Variants in SEMA3A observed in about 807,000 individuals in gnomAD.
The protein encoded by SEMA3A is semaphorin-3A.
Under a neutral mutation model 97.9 loss-of-function variants are expected in SEMA3A, and 29 were observed. The observed-to-expected ratio is 0.30, with a 90% confidence interval of 0.22 to 0.40. The LOEUF (loss-of-function observed/expected upper bound fraction) is 0.40. Among genes scored for constraint, SEMA3A ranks in the 10% least tolerant of loss-of-function variants. SEMA3A has a pLI of 1.00. For missense variants in SEMA3A, 763 were observed against 951.3 expected, an observed-to-expected ratio of 0.80 and a Z score of 2.60; for synonymous variants, 321 against 323.7, an observed-to-expected ratio of 0.99 and a Z score of 0.09.
chr7:84,426,305 T>C (rs1804828264), intron 1 of SEMA3A, among the ~76,000 whole-genome samples: 1 of 151,904 alleles, frequency 6.6e-6, no homozygotes, highest in South Asian at 2.1e-4. Context: ...GATAGATAGA[T>C]AGATAGATAG....
At chr7:84,381,358 A>T (rs1428874642) in intron 1 of SEMA3A, among the ~76,000 whole-genome samples, 1 of 152,140 alleles carries the variant, frequency 6.6e-6, no homozygotes, top group Non-Finnish European at 1.5e-5. Flanking sequence ...TTCCAACCTC[A>T]TCCATATAAT....
intron 3 of SEMA3A, among the ~76,000 whole-genome samples, chr7:84,290,092 G>A (rs1336960153): frequency 3.9e-5 from 6 of 152,146 alleles, no homozygotes; most frequent in Admixed American, 3.9e-4. Context: ...TGCTTAGGGT[G>A]AGAAGTGGGA....
chr7:84,319,176 A>G (rs954224390), intron 2 of SEMA3A, among the ~76,000 whole-genome samples: 1 of 152,164 alleles, frequency 6.6e-6, no homozygotes, highest in Non-Finnish European at 1.5e-5. Flanking sequence ...AACCAGTGAC[A>G]ATATTAGAAA....
chr7:84,046,258 G>C (rs1446210384), intron 6 of SEMA3A, 66 bp downstream of exon 6: 19 of 1,564,930 alleles, frequency 1.2e-5, no homozygotes, highest in Non-Finnish European at 1.7e-5. Flanking sequence ...TACTGTAAAA[G>C]AGTTCTCTAG....
intron 1 of SEMA3A, among the ~76,000 whole-genome samples, chr7:84,402,305 C>T (rs1486465853): frequency 2.0e-5 from 3 of 152,154 alleles, no homozygotes; most frequent in African/African-American, 2.4e-5. Flanking sequence ...ATCATCTCAT[C>T]CTAGTTAGAA....
At chr7:84,103,155 C>A (rs954927600) in intron 4 of SEMA3A, among the ~76,000 whole-genome samples, 3 of 152,066 alleles carry the variant, frequency 2.0e-5, no homozygotes, top group African/African-American at 7.2e-5. Flanking sequence ...TTGCGGTGGG[C>A]AAATACACTT....
Position 83,961,485 on chromosome 7 carries a change from C to T in SEMA3A, c.2202G>A (p.Arg734=), listed in dbSNP as rs759732300. 21 of 1,614,036 alleles carry T rather than the reference C, an allele frequency of 1.3e-5. No individual in the cohort carries two copies. Among genetic ancestry groups the T allele is most frequent in the Non-Finnish European group, 1.4e-5 (17 of 1,179,956 alleles). ...TCCCTGGGGTATGTCCTGGCCTTTGCCGACGTTGTTTTCGGTCCCTTTTCC... is the reference window on the plus strand; with the variant it reads ...TCCCTGGGGTATGTCCTGGCCTTTGTCGACGTTGTTTTCGGTCCCTTTTCC... ...QVWKRDRKQR[R]QRPGHTPGNS... Residue 734 remains arginine (R), a synonymous_variant, in exon 17 of 17, where the codon CGG becomes CGA. Transcript: ENST00000265362.
chr7:84,234,878 T>A (rs1360425737), intron 3 of SEMA3A, among the ~76,000 whole-genome samples: 1 of 152,050 alleles, frequency 6.6e-6, no homozygotes, highest in Non-Finnish European at 1.5e-5. Flanking sequence ...TACTGAGTAC[T>A]GAGCATTGTT....
At chr7:84,278,880 C>T (rs1180524216) in intron 3 of SEMA3A, among the ~76,000 whole-genome samples, 1 of 152,040 alleles carries the variant, frequency 6.6e-6, no homozygotes, top group African/African-American at 2.4e-5. Context: ...TTGGGTGGGA[C>T]ACATATCCAA....
At chr7:84,079,441 G>A (rs565935006) in intron 4 of SEMA3A, among the ~76,000 whole-genome samples, 5 of 150,308 alleles carry the variant, frequency 3.3e-5, no homozygotes, top group Admixed American at 2.7e-4. Flanking sequence ...GAAAATTTTC[G>A]CAACCTACTC....
intron 6 of SEMA3A, among the ~76,000 whole-genome samples, chr7:84,024,564 C>CA (rs1362544284): frequency 6.6e-6 from 1 of 151,746 alleles, no homozygotes; most frequent in Non-Finnish European, 1.5e-5. Flanking sequence ...AATGCCCCCC[C>CA]ACAATAAAAG....
At chr7:84,364,919 A>G (rs1262395848) in intron 2 of SEMA3A, among the ~76,000 whole-genome samples, 1 of 151,614 alleles carries the variant, frequency 6.6e-6, no homozygotes, top group African/African-American at 2.4e-5. Flanking sequence ...GCAGTTAAAA[A>G]CACAGAATGC....
chr7:84,136,970 AAGGAAGG>A, intron 1 of SEMA3A, among the ~76,000 whole-genome samples: 1 of 148,482 alleles, frequency 6.7e-6, no homozygotes, highest in Non-Finnish European at 1.5e-5. Context: ...AGAAGGAAGG[AAGGAAGG>A]AAGGAAGGAA....
intron 1 of SEMA3A, among the ~76,000 whole-genome samples, chr7:84,487,744 C>G (rs931965322): frequency 2.5e-4 from 38 of 151,996 alleles, no homozygotes; most frequent in African/African-American, 8.7e-4. Flanking sequence ...ATCCTGTCAC[C>G]ACAGATTAAT....
intron 6 of SEMA3A, among the ~76,000 whole-genome samples, chr7:84,032,208 T>G (rs1286596002): frequency 6.6e-6 from 1 of 152,260 alleles, no homozygotes; most frequent in Non-Finnish European, 1.5e-5. Context: ...CCTAGGGGTC[T>G]AGTGAAAGGG....
At chr7:84,359,027 G>A (rs561961852) in intron 2 of SEMA3A, among the ~76,000 whole-genome samples, 1 of 152,316 alleles carries the variant, frequency 6.6e-6, no homozygotes, top group South Asian at 2.1e-4. Context: ...AGCAGCTTAA[G>A]GAGATTTTGG....
chr7:84,464,035 T>C (rs1290237261), intron 1 of SEMA3A, among the ~76,000 whole-genome samples: 1 of 152,152 alleles, frequency 6.6e-6, no homozygotes, highest in African/African-American at 2.4e-5. Context: ...TACTCATACT[T>C]TGACATAATT....
intron 1 of SEMA3A, among the ~76,000 whole-genome samples, chr7:84,447,839 C>T (rs1805460564): frequency 6.6e-6 from 1 of 151,838 alleles, no homozygotes; most frequent in Admixed American, 6.6e-5. Flanking sequence ...GAAGCCCAGA[C>T]CTAGGGTTAC....
chr7:84,258,520 A>G (rs551195039), intron 3 of SEMA3A, among the ~76,000 whole-genome samples: 20 of 151,476 alleles, frequency 1.3e-4, no homozygotes, highest in African/African-American at 3.9e-4. Context: ...TCCTTGTGGG[A>G]AAAAAAATGG....
Sources: allele counts gnomAD v4.1 joint callset (sites outside exome capture counted in the v4.1 genomes callset), GRCh38; gene constraint gnomAD v4.1.1; transcripts MANE v1.5; gene names NCBI Gene and HGNC (gene_info 2026-07-23, HGNC 2026-07-21).